The following EPHA6 variants were observed in gnomAD, a reference collection of about 807,000 sequenced individuals.
The protein encoded by EPHA6 is EPH receptor A6.
A neutral mutation model predicts 112.0 loss-of-function variants in EPHA6; 50 were observed. The ratio of observed to expected loss-of-function variants is 0.45; its 90% CI spans 0.36 to 0.56. The LOEUF (loss-of-function observed/expected upper bound fraction) is 0.56. EPHA6 is among the 20% of genes least tolerant of loss of function. EPHA6 has a pLI of 0.00. For synonymous variants in EPHA6, 529 were observed against 490.7 expected (o/e 1.08, Z -1.03); for missense variants, 1,280 against 1,417.4 (o/e 0.90, Z 1.56).
intron 3 of EPHA6, among the ~76,000 whole-genome samples, chr3:97,187,677 G>A (rs1238558097): frequency 2.3e-5 from 2 of 88,220 alleles, no homozygotes; most frequent in African/African-American, 9.3e-5. Flanking sequence ...GAAAGAAAGA[G>A]AAAGAAAGAA....
chr3:97,692,305 G>T (rs1308924091), intron 14 of EPHA6, among the ~76,000 whole-genome samples: 2 of 152,100 alleles, frequency 1.3e-5, no homozygotes, highest in African/African-American at 4.8e-5. Flanking sequence ...CTAATCTTAT[G>T]TAAGTCTTTT....
intron 6 of EPHA6, among the ~76,000 whole-genome samples, chr3:97,436,294 A>G (rs992259197): frequency 6.6e-6 from 1 of 152,132 alleles, no homozygotes; most frequent in African/African-American, 2.4e-5. Flanking sequence ...GATTTCTTGA[A>G]TCCTTTGTAG....
chr3:97,603,321 A>T (rs2093657033), intron 12 of EPHA6, among the ~76,000 whole-genome samples: 2 of 151,934 alleles, frequency 1.3e-5, no homozygotes, highest in Admixed American at 1.3e-4. Context: ...CCGGCAGGAA[A>T]ATCATGTTTT....
At chr3:96,827,160 G>A (rs888877072) in intron 1 of EPHA6, among the ~76,000 whole-genome samples, 5 of 152,082 alleles carry the variant, frequency 3.3e-5, no homozygotes, top group African/African-American at 1.2e-4. Flanking sequence ...TTTACTGCAT[G>A]TGTGCACTGA....
chr3:97,463,085 C>CA (rs944129458), intron 7 of EPHA6, among the ~76,000 whole-genome samples: 4 of 151,864 alleles, frequency 2.6e-5, no homozygotes, highest in East Asian at 3.9e-4. Flanking sequence ...ATGTTTTAAA[C>CA]AAAAAAAGAT....
intron 5 of EPHA6, among the ~76,000 whole-genome samples, chr3:97,343,137 G>C (rs1035084761): frequency 3.9e-5 from 6 of 152,180 alleles, no homozygotes; most frequent in Admixed American, 3.3e-4. Context: ...TGTCATCTTA[G>C]AGAATACATA....
chr3:96,840,760 G>A (rs2034696883), intron 1 of EPHA6, among the ~76,000 whole-genome samples: 1 of 152,028 alleles, frequency 6.6e-6, no homozygotes, highest in South Asian at 2.1e-4. Context: ...TCTGAATTTA[G>A]TAAAGTTGAG....
intron 2 of EPHA6, among the ~76,000 whole-genome samples, chr3:96,959,008 T>G (rs1409079049): frequency 6.6e-6 from 1 of 152,216 alleles, no homozygotes; most frequent in African/African-American, 2.4e-5. Context: ...ATGTTTTAAA[T>G]TCTCTTGAGT....
intron 1 of EPHA6, among the ~76,000 whole-genome samples, chr3:96,827,821 C>T (rs2033768252): frequency 6.6e-6 from 1 of 152,028 alleles, no homozygotes; most frequent in Non-Finnish European, 1.5e-5. Context: ...GTCCCAAATT[C>T]CTTTGCATGA....
intron 5 of EPHA6, among the ~76,000 whole-genome samples, chr3:97,258,366 C>T (rs2079387972): frequency 6.6e-6 from 1 of 151,932 alleles, no homozygotes; most frequent in Non-Finnish European, 1.5e-5. Flanking sequence ...GATACTTTTG[C>T]CCCTTGGTGG....
At chr3:97,346,004 T>A (rs953364626) in intron 5 of EPHA6, among the ~76,000 whole-genome samples, 1 of 152,142 alleles carries the variant, frequency 6.6e-6, no homozygotes, top group African/African-American at 2.4e-5. Flanking sequence ...AGTTTGTCCC[T>A]TAATATACTG....
At chr3:97,611,027 A>AG (rs1244722279) in intron 13 of EPHA6, among the ~76,000 whole-genome samples, 173 bp downstream of exon 13, 1 of 151,688 alleles carries the variant, frequency 6.6e-6, no homozygotes, top group Admixed American at 6.6e-5. Context: ...AGTGTTACTA[A>AG]GGGGGGAGGA....
intron 3 of EPHA6, among the ~76,000 whole-genome samples, chr3:97,057,466 A>G (rs997567822): frequency 2.0e-5 from 3 of 152,166 alleles, no homozygotes; most frequent in Admixed American, 6.5e-5. Context: ...GGTGATAGCA[A>G]TGTTTCAAGA....
At chr3:97,423,253 C>A (rs1162209641) in intron 6 of EPHA6, among the ~76,000 whole-genome samples, 2 of 152,072 alleles carry the variant, frequency 1.3e-5, no homozygotes, top group Non-Finnish European at 2.9e-5. Context: ...AGCCAGAAAA[C>A]CCCATAATCT....
intron 5 of EPHA6, among the ~76,000 whole-genome samples, chr3:97,381,167 A>G (rs1240725805): frequency 6.6e-6 from 1 of 152,166 alleles, no homozygotes; most frequent in Non-Finnish European, 1.5e-5. Context: ...TAATGAAAAT[A>G]CACTTGAGGG....
At chr3:97,604,152 G>T (rs1196378728) in intron 12 of EPHA6, among the ~76,000 whole-genome samples, 1 of 151,700 alleles carries the variant, frequency 6.6e-6, no homozygotes, top group Non-Finnish European at 1.5e-5. Flanking sequence ...TACAAATGAG[G>T]AAATTAAATA....
intron 15 of EPHA6, among the ~76,000 whole-genome samples, chr3:97,726,496 C>A (rs1319499519): frequency 6.6e-6 from 1 of 152,020 alleles, no homozygotes; most frequent in East Asian, 1.9e-4. Context: ...ATGTACCATA[C>A]CGTTACTATA....
At chr3:96,921,087 T>C (rs2039736776) in intron 2 of EPHA6, among the ~76,000 whole-genome samples, 1 of 151,982 alleles carries the variant, frequency 6.6e-6, no homozygotes. Context: ...ACTTTAAGAC[T>C]AAGGACTATG....
chr3:96,829,965 A>G (rs796769207), intron 1 of EPHA6, among the ~76,000 whole-genome samples: 1,766 of 151,266 alleles, frequency 0.012, 34 homozygotes, highest in African/African-American at 0.035. Flanking sequence ...ACACACACAC[A>G]CACACACACA....
Sources: allele counts gnomAD v4.1 joint callset (sites outside exome capture counted in the v4.1 genomes callset), GRCh38; gene constraint gnomAD v4.1.1; transcripts MANE v1.5; gene names NCBI Gene and HGNC (gene_info 2026-07-23, HGNC 2026-07-21).